NUP85: variants seen among roughly 807,000 people sequenced by gnomAD.
The protein encoded by NUP85 is nucleoporin 85.
Under a neutral mutation model 92.8 loss-of-function variants are expected in NUP85, and 23 were observed. The ratio of observed to expected loss-of-function variants is 0.25; its 90% CI spans 0.18 to 0.35. NUP85 has a LOEUF of 0.35. NUP85 is among the 10% of genes least tolerant of loss of function. The pLI, the probability that NUP85 is intolerant of heterozygous loss-of-function variation, is 1.00. For missense variants in NUP85, 759 were observed against 822.8 expected (o/e 0.92, Z 0.95); for synonymous variants, 314 against 306.9 (o/e 1.02, Z -0.24).
chr17:75,218,926 C>CA (rs1375732236), intron 7 of NUP85, among the ~76,000 whole-genome samples: 2 of 151,948 alleles, frequency 1.3e-5, no homozygotes, highest in African/African-American at 4.8e-5. Context: ...GATATAAAAC[C>CA]AATTGACAGG....
chr17:75,232,776 C>A, intron 14 of NUP85, 75 bp from the exon 15 acceptor site: 2 of 1,344,654 alleles, frequency 1.5e-6, no homozygotes, highest in Non-Finnish European at 2.1e-6. Context: ...TGAGGCCACT[C>A]CGGTCCCCAC....
At chr17:75,215,422 C>T (rs1157875340) in intron 5 of NUP85, among the ~76,000 whole-genome samples, 1 of 152,196 alleles carries the variant, frequency 6.6e-6, no homozygotes, top group East Asian at 1.9e-4. Context: ...GTTGCTCAAG[C>T]TGGTCTCAAA....
chr17:75,217,573 G>A (rs1444803987), intron 6 of NUP85, among the ~76,000 whole-genome samples: 1 of 152,064 alleles, frequency 6.6e-6, no homozygotes, highest in East Asian at 1.9e-4. Context: ...GCAGTTGTGC[G>A]ATCTTGGCTC....
rs375845560 is a variant in NUP85, at chr17:75,232,874, G to A, written c.1420G>A (p.Ala474Thr). ...EQVRSICKIL[A>T]MKAVRNNRLG... ...AGTTCGCAGCATTTGTAAGATCTTAGCCATGAAAGCCGTCCGCAACAATCG... is the reference window on the plus strand; with the variant it reads ...AGTTCGCAGCATTTGTAAGATCTTAACCATGAAAGCCGTCCGCAACAATCG... Residue 474 changes from alanine to threonine, a missense_variant, in exon 15 of 19, where the codon GCC becomes ACC. By Grantham distance (58) the Ala-to-Thr change is moderately conservative (BLOSUM62 0). Transcript: ENST00000245544. 62 of 1,614,084 alleles carry A rather than the reference G, an allele frequency of 3.8e-5. No homozygotes were observed. The African/African-American group carries it at 6.4e-4, about 17-fold the overall frequency.
intron 14 of NUP85, 129 bp downstream of exon 14, chr17:75,232,108 C>G (rs550231964): frequency 1.1e-6 from 1 of 923,326 alleles, no homozygotes; most frequent in Admixed American, 2.6e-5. Context: ...GGGCTGTGGA[C>G]GCCAAGAGGT....
intron 1 of NUP85, among the ~76,000 whole-genome samples, chr17:75,207,567 G>A (rs1292048744): frequency 6.6e-6 from 1 of 151,434 alleles, no homozygotes; most frequent in Non-Finnish European, 1.5e-5. Flanking sequence ...GCAACCTCTG[G>A]CTCCTGGGTT....
At chr17:75,215,920 C>G in intron 6 of NUP85, 97 bp downstream of exon 6, 1 of 1,068,320 alleles carries the variant, frequency 9.4e-7, no homozygotes, top group Admixed American at 1.9e-5. Flanking sequence ...GTGTTTTATT[C>G]CTGAGAATGT....
intron 11 of NUP85, among the ~76,000 whole-genome samples, chr17:75,230,694 T>G (rs1466717429): frequency 6.6e-6 from 1 of 152,150 alleles, no homozygotes; most frequent in African/African-American, 2.4e-5. Flanking sequence ...CATTGTGAAA[T>G]TAAGCTAGTG....
At chr17:75,215,040 A>G (rs2075387945) in intron 5 of NUP85, among the ~76,000 whole-genome samples, 1 of 141,072 alleles carries the variant, frequency 7.1e-6, no homozygotes, top group African/African-American at 2.7e-5. Context: ...GCATGGTGGC[A>G]GGCGCCTGTA....
At chr17:75,223,286 C>T (rs1291566216) in intron 7 of NUP85, among the ~76,000 whole-genome samples, 2 of 152,136 alleles carry the variant, frequency 1.3e-5, no homozygotes, top group Non-Finnish European at 1.5e-5. Context: ...GAAAGTACCA[C>T]AAATACTGAT....
At chr17:75,227,335 T>TG (rs1568086787) in intron 11 of NUP85, among the ~76,000 whole-genome samples, 4 of 124,010 alleles carry the variant, frequency 3.2e-5, no homozygotes, top group African/African-American at 8.8e-5. Context: ...GGTTTTTTTT[T>TG]TTTTTTTTTT....
intron 16 of NUP85, among the ~76,000 whole-genome samples, chr17:75,233,623 G>C (rs532469931): frequency 3.3e-5 from 5 of 150,342 alleles, no homozygotes; most frequent in Non-Finnish European, 7.4e-5. Flanking sequence ...TTTGGGGACA[G>C]AGTCTCACTC....
chr17:75,228,741 C>T (rs2075923115), intron 11 of NUP85: 2 of 985,212 alleles, frequency 2.0e-6, no homozygotes, highest in Non-Finnish European at 2.4e-6. Context: ...TTCACACCAC[C>T]TTCATATGAA....
chr17:75,227,508 G>T (rs974583932), intron 11 of NUP85, among the ~76,000 whole-genome samples: 1 of 151,808 alleles, frequency 6.6e-6, no homozygotes, highest in East Asian at 1.9e-4. Flanking sequence ...GCAAATTTTT[G>T]TGTTTTTCAA....
In NUP85 at chr17:75,212,247, GTTTTTTTTTTTTTTT is replaced by G. The variant is rs1219393857; in HGVS notation, c.361+210_361+224del. On this transcript the variant is annotated intron_variant, in intron 4 of 18. Transcript: ENST00000245544. ...TTTAGAGGTTTTTTTTTTTGTTGTTGTTTTTTTTTTTTTTTTTTTTTTTTTTTTTTTTTTTTTTTG... is the reference window on the plus strand; with the variant it reads ...TTTAGAGGTTTTTTTTTTTGTTGTTGTTTTTTTTTTTTTTTTTTTTTTTTG... 2.5e-3 allele frequency among the ~76,000 whole-genome samples: 9 copies of G among 3,670 alleles called. No individual in the cohort carries two copies. The East Asian group carries it at 0.045, about 19-fold the overall frequency. 2.4% of individuals were successfully genotyped at this position (3,670 alleles called of 152,430 possible).
At chr17:75,228,536 C>T in intron 11 of NUP85, 3 of 985,346 alleles carry the variant, frequency 3.0e-6, no homozygotes, top group Non-Finnish European at 3.6e-6. Flanking sequence ...AGGAAGTGTG[C>T]CCTCCTGGCT....
At chr17:75,232,170 A>T in intron 14 of NUP85, 191 bp downstream of exon 14, 1 of 629,630 alleles carries the variant, frequency 1.6e-6, no homozygotes, top group Non-Finnish European at 2.7e-6. Context: ...CTAGGGATCC[A>T]CTGGAACCCA....
intron 7 of NUP85, 40 bp downstream of exon 7, chr17:75,218,346 A>G (rs1213931634): frequency 5.6e-6 from 9 of 1,609,410 alleles, no homozygotes; most frequent in African/African-American, 4.0e-5. Flanking sequence ...CATGTGTCCT[A>G]CTGTCCCTGG....
At position 75,231,778 on chromosome 17, in the gene NUP85, T is replaced by C. The variant is rs767267505; in HGVS notation, c.1245-50T>C. ...GAAAGGGAGCTGTAGGTGCCAGTCC[T>C]CGGAGCCATGAGGCAGCACCTCATG... On this transcript the variant is annotated intron_variant, in intron 13 of 18. Transcript: ENST00000245544. This position sits in a 1 kb window ranked among gnomAD's most constrained non-coding sequence, Gnocchi z 4.6. 2 of 1,610,808 alleles carry C rather than the reference T, an allele frequency of 1.2e-6. No individual in the cohort carries two copies. The highest frequency in any genetic ancestry group is 1.7e-6 in the Non-Finnish European group (2 of 1,177,780).
Sources: allele counts gnomAD v4.1 joint callset (sites outside exome capture counted in the v4.1 genomes callset), GRCh38; gene constraint gnomAD v4.1.1; non-coding constraint Gnocchi (gnomAD v3.1); transcripts MANE v1.5; gene names NCBI Gene and HGNC (gene_info 2026-07-23, HGNC 2026-07-21).